Variants in F13A1 observed in about 807,000 individuals in gnomAD.
F13A1 encodes FSF, A subunit.
F13A1 carries 47 observed loss-of-function variants against 80.1 expected under a neutral mutation model. The observed-to-expected ratio is 0.59, with a 90% CI of 0.46 to 0.75. F13A1 has a LOEUF of 0.75. Ranked by LOEUF, F13A1 falls within the 30% of genes least tolerant of loss-of-function variation. The pLI, the probability that F13A1 is intolerant of heterozygous loss-of-function variation, is 0.00. For missense variants in F13A1, 817 were observed against 930.4 expected, an observed-to-expected ratio of 0.88 and a Z score of 1.59; for synonymous variants, 349 against 344.9, an observed-to-expected ratio of 1.01 and a Z score of -0.13.
intron 6 of F13A1, among the ~76,000 whole-genome samples, chr6:6,227,691 T>C (rs1757296212): frequency 6.6e-6 from 1 of 152,146 alleles, no homozygotes; most frequent in African/African-American, 2.4e-5. Flanking sequence ...ATTTCAGAGG[T>C]AAAGGCTCCT....
At chr6:6,261,576 A>G in intron 4 of F13A1, among the ~76,000 whole-genome samples, 2 of 152,302 alleles carry the variant, frequency 1.3e-5, no homozygotes, top group Non-Finnish European at 2.9e-5. Context: ...AAGTGGCTGA[A>G]CAAGCCCTCC....
Position 6,250,288 on chromosome 6 carries a change from C to T in F13A1, c.690+523G>A, listed in dbSNP as rs1757612543. 6.6e-6 allele frequency among the ~76,000 whole-genome samples: 1 copy of T among 152,022 alleles called. No homozygotes were observed. The highest frequency in any genetic ancestry group is 1.5e-5 in the Non-Finnish European group (1 of 68,016). ...GAACATCTTAAAGAAATGCCATTTG[C>T]TACTTTGTGTCTAGACAATCAACTT... On this transcript the variant is annotated intron_variant, in intron 5 of 14. Transcript: ENST00000264870. The surrounding 1 kb of genome is among the most constrained non-coding windows in gnomAD (Gnocchi z 4.2).
chr6:6,150,997 T>G (rs2151068176), intron 14 of F13A1, among the ~76,000 whole-genome samples: 1 of 152,316 alleles, frequency 6.6e-6, no homozygotes, highest in Admixed American at 6.5e-5. Flanking sequence ...AGATGGGCCT[T>G]ACTTTCTGTC....
At chr6:6,249,530 T>G (rs1351532063) in intron 5 of F13A1, among the ~76,000 whole-genome samples, 1 of 152,178 alleles carries the variant, frequency 6.6e-6, no homozygotes, top group Non-Finnish European at 1.5e-5. Context: ...TGGCAGAAGA[T>G]ACAATCAAGT....
At chr6:6,226,219 T>C (rs539267589) in intron 6 of F13A1, among the ~76,000 whole-genome samples, 1 of 152,256 alleles carries the variant, frequency 6.6e-6, no homozygotes, top group South Asian at 2.1e-4. Flanking sequence ...CAAAAACTGG[T>C]GCCATTTCAA....
rs1561643635 is a variant in F13A1 at position 6,174,869 on chromosome 6, T to TG, written c.1460-3dup. 1 of 1,614,168 alleles carries TG rather than the reference T, an allele frequency of 6.2e-7. No individual in the cohort carries two copies. The highest frequency in any genetic ancestry group is 1.1e-5 in the South Asian group (1 of 91,064). ...GGGCCAATCTCTCTTCTTCTTGACC[T>TG]GGGGGAGATCCAGAGATAATGACAG... is the stretch of plus-strand genomic sequence containing the variant. On this transcript the variant is annotated splice_region_variant and splice_polypyrimidine_tract_variant and intron_variant, in intron 11 of 14. Coordinates refer to ENST00000264870, the MANE Select transcript of F13A1 (RefSeq NM_000129.4).
intron 5 of F13A1, among the ~76,000 whole-genome samples, chr6:6,248,854 G>A (rs867505547): frequency 6.6e-6 from 1 of 152,206 alleles, no homozygotes; most frequent in South Asian, 2.1e-4. Context: ...GAGCTCTCAG[G>A]TGTATCACAG....
Position 6,201,430 on chromosome 6 carries a change from G to T in F13A1, c.1113-4104C>A, listed in dbSNP as rs138179070. Among the ~76,000 whole-genome samples, 18 of 152,210 alleles carry T rather than the reference G, an allele frequency of 1.2e-4. No homozygotes were observed. The East Asian group carries it at 3.3e-3, about 28-fold the overall frequency. The stretch of plus-strand genomic sequence containing the variant: ...GAAGCAAATGCTCCCAGTAGGGCTG[G>T]GCCTCCATCAATGGGTGGAAAGCTA... On this transcript the variant is annotated intron_variant, in intron 8 of 14. Transcript: ENST00000264870.
chr6:6,194,023 G>T (rs770784033), intron 10 of F13A1, among the ~76,000 whole-genome samples: 2 of 152,124 alleles, frequency 1.3e-5, no homozygotes, highest in Non-Finnish European at 2.9e-5. Flanking sequence ...TTTGATGTTC[G>T]TTTTGCTTTC....
intron 11 of F13A1, among the ~76,000 whole-genome samples, chr6:6,175,412 G>A (rs117243185): frequency 6.6e-5 from 10 of 152,188 alleles, no homozygotes; most frequent in East Asian, 5.8e-4. Context: ...CTCCTGCCCC[G>A]TTCTTCCCTA....
intron 8 of F13A1, among the ~76,000 whole-genome samples, chr6:6,200,591 G>T (rs1242530600): frequency 6.6e-6 from 1 of 151,114 alleles, no homozygotes; most frequent in Non-Finnish European, 1.5e-5. Context: ...TAAGACAGAA[G>T]AAAAGATAGG....
intron 10 of F13A1, among the ~76,000 whole-genome samples, chr6:6,190,062 T>C (rs1416295462): frequency 6.6e-6 from 1 of 152,210 alleles, no homozygotes; most frequent in South Asian, 2.1e-4. Context: ...TGAGCCTTGC[T>C]TTTCAGCTCC....
rs1371329024 is a variant in F13A1 at position 6,316,090 on chromosome 6, T to C, written c.130+2445A>G. On this transcript the variant is annotated intron_variant, in intron 2 of 14. Coordinates refer to ENST00000264870, the MANE Select transcript of F13A1 (RefSeq NM_000129.4). ...CTATGTGTGTGTGCATATATATATA[T>C]ATATATATATATATATATATATATA... is the stretch of plus-strand genomic sequence containing the variant. Among the ~76,000 whole-genome samples, 133 of 13,806 alleles carry C rather than the reference T, an allele frequency of 9.6e-3. 7 individuals are homozygous for C. Among genetic ancestry groups the C allele is most frequent in the African/African-American group, 0.044 (104 of 2,362 alleles). 9.1% of individuals were successfully genotyped at this position (13,806 alleles called of 152,430 possible).
intron 12 of F13A1, among the ~76,000 whole-genome samples, chr6:6,172,006 C>T (rs944917136): frequency 6.6e-6 from 1 of 152,168 alleles, no homozygotes; most frequent in African/African-American, 2.4e-5. Context: ...TTTCTATTAC[C>T]CATATAACTA....
At chr6:6,248,210 T>G (rs1271515625) in intron 6 of F13A1, 102 bp downstream of exon 6, 1 of 946,382 alleles carries the variant, frequency 1.1e-6, no homozygotes, top group Non-Finnish European at 1.7e-6. Flanking sequence ...TGAAAGTTTA[T>G]TAAGTGTAAG....
chr6:6,297,630 TTC>T (rs1287637706), intron 3 of F13A1, among the ~76,000 whole-genome samples: 11 of 148,728 alleles, frequency 7.4e-5, no homozygotes, highest in Non-Finnish European at 1.3e-4. Context: ...TATTTGATTC[TTC>T]TCTCTTTTTT....
intron 12 of F13A1, among the ~76,000 whole-genome samples, chr6:6,171,447 C>G (rs1366790436): frequency 6.6e-6 from 1 of 152,222 alleles, no homozygotes; most frequent in East Asian, 1.9e-4. Context: ...CCTTCCTTCT[C>G]TCACACCACA....
At chr6:6,257,825 T>C (rs1289877032) in intron 4 of F13A1, among the ~76,000 whole-genome samples, 1 of 152,196 alleles carries the variant, frequency 6.6e-6, no homozygotes, top group Non-Finnish European at 1.5e-5. Context: ...GGTTAAGGGC[T>C]TTTTAGTGTA....
At chr6:6,151,782 G>C in intron 14 of F13A1, 31 bp downstream of exon 14, 1 of 1,613,740 alleles carries the variant, frequency 6.2e-7, no homozygotes, top group African/African-American at 1.3e-5. Flanking sequence ...GCCCTGCACT[G>C]CCTGCCCGGT....
Sources: gnomAD v4.1 joint callset for allele counts (sites outside exome capture counted in the v4.1 genomes callset) on GRCh38, gnomAD v4.1.1 for gene constraint, Gnocchi (gnomAD v3.1) non-coding constraint, MANE v1.5 for transcripts, NCBI Gene and HGNC (gene_info 2026-07-23, HGNC 2026-07-21) for gene names.